GORASP2: variants seen among roughly 807,000 people sequenced by gnomAD.
GORASP2 encodes golgi reassembly stacking protein 2.
A neutral mutation model predicts 45.7 loss-of-function variants in GORASP2; 22 were observed. That is an observed-to-expected ratio of 0.48 (90% CI 0.34 to 0.69). The LOEUF is 0.69. Among genes scored for constraint, GORASP2 ranks in the 30% least tolerant of loss-of-function variants. GORASP2 has a pLI of 0.01. For missense variants in GORASP2, 491 were observed against 562.7 expected (o/e 0.87, Z 1.29); for synonymous variants, 221 against 215.6 (o/e 1.02, Z -0.22).
At chr2:170,945,451 G>T (rs1162389187) in intron 1 of GORASP2, among the ~76,000 whole-genome samples, 1 of 150,808 alleles carries the variant, frequency 6.6e-6, no homozygotes, top group Non-Finnish European at 1.5e-5. Context: ...AGTAAGCTAT[G>T]GATGCACCCC....
intron 8 of GORASP2, 85 bp downstream of exon 8, chr2:170,961,834 CTG>C (rs768866408): frequency 3.5e-5 from 29 of 817,144 alleles, no homozygotes; most frequent in Non-Finnish European, 6.2e-5. Flanking sequence ...AATATTATAC[CTG>C]TGTGGTAACT....
At chr2:170,941,195 C>A (rs754196045) in intron 1 of GORASP2, among the ~76,000 whole-genome samples, 11 of 152,108 alleles carry the variant, frequency 7.2e-5, no homozygotes, top group African/African-American at 2.7e-4. Context: ...TTGAACCTTA[C>A]AACTGCCAGT....
intron 1 of GORASP2, among the ~76,000 whole-genome samples, chr2:170,947,091 G>A (rs1704195205): frequency 2.0e-5 from 3 of 152,094 alleles, no homozygotes; most frequent in Admixed American, 2.0e-4. Flanking sequence ...TTGGAGTTAT[G>A]GAGAAACCCT....
At chr2:170,947,741 GCT>G (rs1704210876) in intron 1 of GORASP2, among the ~76,000 whole-genome samples, 1 of 152,138 alleles carries the variant, frequency 6.6e-6, no homozygotes, top group Non-Finnish European at 1.5e-5. Flanking sequence ...TGTGTCCCCT[GCT>G]AATTGCTGAG....
rs1044426245 is a variant in GORASP2 at position 170,931,952 on chromosome 2, G to A, written c.63+2549G>A. 2.6e-5 allele frequency among the ~76,000 whole-genome samples: 4 copies of A among 152,200 alleles called. No individual in the cohort carries two copies. The East Asian group carries it at 5.8e-4, about 22-fold the overall frequency. On this transcript the variant is annotated intron_variant, in intron 1 of 9. Transcript: ENST00000234160. ...CTTATAAAAAAGTCTCTTTGGCCGC[G>A]CACAGTGGCTCACACCTGTAATCCC...
intron 1 of GORASP2, among the ~76,000 whole-genome samples, chr2:170,945,205 A>G (rs925039534): frequency 1.2e-4 from 18 of 152,262 alleles, no homozygotes; most frequent in South Asian, 6.2e-4. Flanking sequence ...GTGCCCCTGT[A>G]ATCCTAGTGC....
At chr2:170,965,632 G>A (rs1430333182) in intron 9 of GORASP2, among the ~76,000 whole-genome samples, 158 bp from the exon 10 acceptor site, 2 of 152,198 alleles carry the variant, frequency 1.3e-5, no homozygotes, top group African/African-American at 4.8e-5. Flanking sequence ...AGTTAACCCT[G>A]CCAGGGCCTC....
At chr2:170,961,608 T>G (rs1268136544) in intron 7 of GORASP2, 55 bp from the exon 8 acceptor site, 5 of 947,002 alleles carry the variant, frequency 5.3e-6, no homozygotes, top group Non-Finnish European at 8.8e-6. Flanking sequence ...TGTGTTCTGT[T>G]CATTTCTTGT....
chr2:170,951,116 A>G (rs932852124), intron 4 of GORASP2, among the ~76,000 whole-genome samples: 2 of 152,220 alleles, frequency 1.3e-5, no homozygotes, highest in African/African-American at 4.8e-5. Context: ...CTAGATCTTA[A>G]GGAACTGGCC....
chr2:170,937,443 C>T (rs1703982726), intron 1 of GORASP2, among the ~76,000 whole-genome samples: 1 of 152,172 alleles, frequency 6.6e-6, no homozygotes, highest in Non-Finnish European at 1.5e-5. Flanking sequence ...TCAAGTGATC[C>T]TCCTGCTTTA....
intron 5 of GORASP2, among the ~76,000 whole-genome samples, chr2:170,951,966 G>A (rs972870600): frequency 1.3e-5 from 2 of 152,306 alleles, no homozygotes; most frequent in East Asian, 3.9e-4. Flanking sequence ...CCTATATGGG[G>A]CAATACTTGA....
In GORASP2 at chr2:170,954,333, G is replaced by A. The variant is rs182199343; in HGVS notation, c.567-317G>A. ...TCAGGACCTTAACATTTTGTTGGGG[G>A]AGATAGATAGTAAATAAATATGCAG... On this transcript the variant is annotated intron_variant, in intron 5 of 9. Coordinates refer to ENST00000234160, the MANE Select transcript of GORASP2 (RefSeq NM_015530.5). The A allele has an allele frequency of 2.2e-3, 466 of 207,614 alleles. 4 individuals carry two copies. The highest frequency in any genetic ancestry group is 1.0e-2 in the African/African-American group (433 of 43,442). 12.9% of individuals were successfully genotyped at this position (207,614 alleles called of 1,614,324 possible). A position where few individuals can be genotyped will look rare whatever the true frequency, so the allele number is the denominator to read the frequency against.
chr2:170,965,859 A>G lies in GORASP2; in HGVS notation c.1088A>G (p.Glu363Gly), dbSNP rs369882237. ...PGIAPLPLPSEFLPSFPLVPE... is the reference protein window; with the variant it reads ...PGIAPLPLPSGFLPSFPLVPE... ...ATTGCACCTCTCCCCCTGCCATCCGAGTTCCTCCCGTCATTCCCCTTGGTT... is the reference window on the plus strand; with the variant it reads ...ATTGCACCTCTCCCCCTGCCATCCGGGTTCCTCCCGTCATTCCCCTTGGTT... Residue 363 changes from glutamate (E) to glycine (G), a missense_variant, in exon 10 of 10, where the codon GAG (glutamate) becomes GGG (glycine). Around this residue, in one of 2 missense-constraint regions of GORASP2, gnomAD observed 297 missense variants for 292.3 expected, o/e 1.02. Coordinates refer to ENST00000234160, the MANE Select transcript of GORASP2 (RefSeq NM_015530.5). The G allele has an allele frequency of 1.1e-5, 17 of 1,613,468 alleles. No homozygotes were observed. The African/African-American group carries it at 2.1e-4, about 20-fold the overall frequency.
intron 5 of GORASP2, among the ~76,000 whole-genome samples, chr2:170,952,213 A>G (rs865908027): frequency 6.6e-6 from 1 of 152,246 alleles, no homozygotes; most frequent in African/African-American, 2.4e-5. Flanking sequence ...CATGGAATCA[A>G]ACTGGAGGAA....
intron 1 of GORASP2, among the ~76,000 whole-genome samples, chr2:170,941,277 G>A (rs1704071879): frequency 6.6e-6 from 1 of 152,074 alleles, no homozygotes. Context: ...TATTTTGTAA[G>A]CATAATTGCT....
rs1450970766 is a variant in GORASP2 at position 170,962,853 on chromosome 2, C to G, written c.925C>G (p.Pro309Ala). ...CTTCTCTTCAGGTCTGATGCCTTTA[C>G]CAGCAGGACTGCCCAACCTCCCCAA... ...ATTLPGLMPL[P>A]AGLPNLPNLN... The change falls in exon 9 of 10, where the codon CCA becomes GCA. Residue 309 changes from proline (P) to alanine (A), a missense_variant. Pro to Ala is a conservative substitution (Grantham distance 27). Coordinates refer to ENST00000234160, the MANE Select transcript of GORASP2 (RefSeq NM_015530.5). The G allele has an allele frequency of 8.1e-6, 13 of 1,612,932 alleles. No individual in the cohort carries two copies. Among genetic ancestry groups the G allele is most frequent in the Admixed American group, 3.3e-5 (2 of 59,978 alleles).
Position 170,966,385 on chromosome 2 carries a change from G to A in GORASP2, c.*255G>A. On this transcript the variant is annotated 3_prime_UTR_variant, in exon 10 of 10. Transcript: ENST00000234160. ...GAATTGTAAGGGTGGCTTGCTGCCAGGCTTGCACTGCCGTTCCTGGGGGTG... is the reference window on the plus strand; with the variant it reads ...GAATTGTAAGGGTGGCTTGCTGCCAAGCTTGCACTGCCGTTCCTGGGGGTG... 19 of 527,880 alleles carry A rather than the reference G, an allele frequency of 3.6e-5. No homozygotes were observed. In the South Asian group the frequency reaches 4.0e-4, roughly 11 times the overall value. The allele number at this position is 527,880 out of a possible 1,614,324, so 32.7% of individuals were successfully genotyped here.
Position 170,954,793 on chromosome 2 carries a change from G to T in GORASP2, c.699+11G>T, listed in dbSNP as rs201948902. On this transcript the variant is annotated intron_variant, in intron 6 of 9. Coordinates refer to ENST00000234160, the MANE Select transcript of GORASP2 (RefSeq NM_015530.5). ...GATGGGTTTACAGAGGTAAGATCAC[G>T]TTCCTACCTGAGTATATCATAAAGT... The T allele has an allele frequency of 6.2e-7, 1 of 1,604,014 alleles. No individual in the cohort carries two copies. The highest frequency in any genetic ancestry group is 1.3e-5 in the African/African-American group (1 of 74,742).
chr2:170,944,462 G>A (rs773689096), intron 1 of GORASP2, among the ~76,000 whole-genome samples: 3 of 152,134 alleles, frequency 2.0e-5, no homozygotes, highest in Non-Finnish European at 4.4e-5. Flanking sequence ...AGAGGAAATC[G>A]ATGTTAGTAA....
Sources: gnomAD v4.1 joint callset for allele counts (sites outside exome capture counted in the v4.1 genomes callset) on GRCh38, gnomAD v4.1.1 for gene constraint, gnomAD v4.1.1 regional missense constraint, MANE v1.5 for transcripts, NCBI Gene and HGNC (gene_info 2026-07-23, HGNC 2026-07-21) for gene names.